Variants in FAM171B observed in about 807,000 individuals in gnomAD.
The protein encoded by FAM171B is protein FAM171B.
In FAM171B, 19 loss-of-function variants were observed where a neutral mutation model predicts 75.6. The observed-to-expected ratio is 0.25, with a 90% CI of 0.18 to 0.37. FAM171B has a LOEUF of 0.37. Among genes scored for constraint, FAM171B ranks in the 10% least tolerant of loss-of-function variants. The pLI is 1.00. For missense variants in FAM171B, 848 were observed against 982.4 expected (o/e 0.86, Z 1.83); for synonymous variants, 367 against 361.7 (o/e 1.01, Z -0.17).
intron 1 of FAM171B, among the ~76,000 whole-genome samples, chr2:186,738,285 G>A (rs1024338942): frequency 1.3e-5 from 2 of 152,070 alleles, no homozygotes; most frequent in African/African-American, 4.8e-5. Context: ...TGAGTTCCAG[G>A]TTCTTGTCCC....
chr2:186,759,100 C>T (rs1288619056), intron 6 of FAM171B, among the ~76,000 whole-genome samples: 1 of 152,070 alleles, frequency 6.6e-6, no homozygotes, highest in Non-Finnish European at 1.5e-5. Context: ...TCCTCAACTC[C>T]CATTCATGTT....
At chr2:186,722,892 T>C (rs1689976736) in intron 1 of FAM171B, among the ~76,000 whole-genome samples, 1 of 152,186 alleles carries the variant, frequency 6.6e-6, no homozygotes, top group South Asian at 2.1e-4. Context: ...TTACAATTAT[T>C]TGGTGTTGAG....
At chr2:186,705,676 A>G (rs1689724154) in intron 1 of FAM171B, among the ~76,000 whole-genome samples, 1 of 152,156 alleles carries the variant, frequency 6.6e-6, no homozygotes. Flanking sequence ...GTGTTTTCTT[A>G]ACCTGTGAAG....
chr2:186,738,171 T>C (rs1475559415), intron 1 of FAM171B, among the ~76,000 whole-genome samples: 1 of 152,320 alleles, frequency 6.6e-6, no homozygotes, highest in African/African-American at 2.4e-5. Flanking sequence ...CTCCCATAGC[T>C]TGGAGAGTGG....
At chr2:186,708,594 C>T (rs192471891) in intron 1 of FAM171B, among the ~76,000 whole-genome samples, 1 of 152,206 alleles carries the variant, frequency 6.6e-6, no homozygotes, top group East Asian at 1.9e-4. Context: ...AGAAAGCACA[C>T]TTAAAGTGAG....
At chr2:186,694,748 A>AACACACACACAC (rs57171143) in intron 1 of FAM171B, among the ~76,000 whole-genome samples, 264 of 133,380 alleles carry the variant, frequency 2.0e-3, no homozygotes, top group Admixed American at 5.1e-3. Context: ...GAATGACTGT[A>AACACACACACAC]ACACACACAC....
At chr2:186,709,863 T>C (rs1429603864) in intron 1 of FAM171B, among the ~76,000 whole-genome samples, 1 of 152,244 alleles carries the variant, frequency 6.6e-6, no homozygotes, top group East Asian at 1.9e-4. Flanking sequence ...TTTTAAAAAA[T>C]GTAATTGCAC....
intron 6 of FAM171B, among the ~76,000 whole-genome samples, chr2:186,758,683 T>TA (rs1286103686): frequency 1.3e-5 from 2 of 152,306 alleles, no homozygotes; most frequent in Non-Finnish European, 2.9e-5. Context: ...TTAAATTTTT[T>TA]ATCTTTATGG....
At chr2:186,754,496 G>A (rs567714952) in intron 6 of FAM171B, among the ~76,000 whole-genome samples, 2 of 152,278 alleles carry the variant, frequency 1.3e-5, no homozygotes, top group Admixed American at 6.5e-5. Flanking sequence ...TAGTTAGCAG[G>A]CCTGCTTGAC....
intron 1 of FAM171B, among the ~76,000 whole-genome samples, chr2:186,702,599 A>T (rs1689678420): frequency 6.6e-6 from 1 of 152,146 alleles, no homozygotes; most frequent in South Asian, 2.1e-4. Context: ...CATACTTGTT[A>T]ATAATGTCTG....
chr2:186,694,095 T>C lies in FAM171B; in HGVS notation c.-79T>C. The C allele has an allele frequency of 3.6e-6, 5 of 1,389,218 alleles. No homozygotes were observed. The highest frequency in any genetic ancestry group is 3.7e-6 in the Non-Finnish European group (4 of 1,079,546). 86.1% of individuals were successfully genotyped at this position (1,389,218 alleles called of 1,614,324 possible). A position where few individuals can be genotyped will look rare whatever the true frequency, so the allele number is the denominator to read the frequency against. On this transcript the variant is annotated 5_prime_UTR_variant, in exon 1 of 8. Transcript: ENST00000304698. The stretch of plus-strand genomic sequence containing the variant: ...CGAGGGGGAGCGAGCGAGCGGGCGC[T>C]GCCAGGAGCCCGCAGCCCTGGCGCC...
rs1225975879 is a variant in FAM171B, at chr2:186,751,131, T to C, written c.725-3T>C. The C allele has an allele frequency of 5.7e-6, 9 of 1,589,918 alleles. No individual in the cohort carries two copies. The highest frequency in any genetic ancestry group is 7.7e-6 in the Non-Finnish European group (9 of 1,164,976). On this transcript the variant is annotated splice_region_variant and splice_polypyrimidine_tract_variant and intron_variant, in intron 4 of 7. Transcript: ENST00000304698. ...GATTTTAATAAACTGTCTTCTTTTA[T>C]AGGTTTTGAAAACATTGAATTGACT...
chr2:186,730,419 C>T (rs1374629930), intron 1 of FAM171B, among the ~76,000 whole-genome samples: 2 of 152,116 alleles, frequency 1.3e-5, no homozygotes, highest in Admixed American at 6.5e-5. Context: ...ATGTATAAAA[C>T]CTGTAATTTA....
chr2:186,740,209 TCTAC>T lies in FAM171B; in HGVS notation c.239-16_239-13del. 6.3e-7 allele frequency: 1 copy of T among 1,585,340 alleles called. No homozygotes were observed. The highest frequency in any genetic ancestry group is 8.7e-7 in the Non-Finnish European group (1 of 1,154,374). ...TTCTAGGATACGACATGCTGCAATT[TCTAC>T]CTTTTTCTCTCCAGTGTCTGTATTT... On this transcript the variant is annotated splice_polypyrimidine_tract_variant and intron_variant, in intron 1 of 7. Coordinates refer to ENST00000304698, the MANE Select transcript of FAM171B (RefSeq NM_177454.4).
intron 2 of FAM171B, among the ~76,000 whole-genome samples, chr2:186,742,981 T>C (rs1690310361): frequency 1.3e-5 from 2 of 152,182 alleles, no homozygotes; most frequent in African/African-American, 4.8e-5. Context: ...TTTCCTTCTC[T>C]GCCAACTCAG....
At chr2:186,749,372 A>C (rs1443714980) in intron 4 of FAM171B, among the ~76,000 whole-genome samples, 2 of 152,126 alleles carry the variant, frequency 1.3e-5, no homozygotes, top group East Asian at 3.9e-4. Flanking sequence ...CTGAGGGGTG[A>C]GGTTGAAGCA....
intron 1 of FAM171B, among the ~76,000 whole-genome samples, chr2:186,705,575 TAC>T (rs1689722775): frequency 6.6e-6 from 1 of 152,136 alleles, no homozygotes; most frequent in African/African-American, 2.4e-5. Flanking sequence ...TCAGAAAACC[TAC>T]CATGGTTAAT....
chr2:186,740,082 CTTCA>C, intron 1 of FAM171B, 142 bp from the exon 2 acceptor site: 1 of 574,720 alleles, frequency 1.7e-6, no homozygotes, highest in Non-Finnish European at 3.0e-6. Context: ...ATAATGAATT[CTTCA>C]TTATTATATG....
chr2:186,696,829 A>G (rs1483132200), intron 1 of FAM171B, among the ~76,000 whole-genome samples: 1 of 152,144 alleles, frequency 6.6e-6, no homozygotes. Flanking sequence ...ACCCAGATTC[A>G]TTCTCCTCCA....
Sources: allele counts gnomAD v4.1 joint callset (sites outside exome capture counted in the v4.1 genomes callset), GRCh38; gene constraint gnomAD v4.1.1; transcripts MANE v1.5; gene names NCBI Gene and HGNC (gene_info 2026-07-23, HGNC 2026-07-21).